The following WWOX variants were observed in gnomAD, a reference collection of about 807,000 sequenced individuals.
WWOX encodes the protein WW domain containing oxidoreductase.
Under a neutral mutation model 46.2 loss-of-function variants are expected in WWOX, and 69 were observed. The observed-to-expected ratio is 1.49, with a 90% confidence interval of 1.23 to 1.82. The LOEUF is 1.82. WWOX is among the 40% of genes most tolerant of loss of function. The probability of loss-of-function intolerance (pLI) is 0.00; values close to 1 mark genes in which losing one functional copy is unlikely to be tolerated. For missense variants in WWOX, 919 were observed against 542.6 expected (o/e 1.69, Z -6.89); for synonymous variants, 359 against 202.6 (o/e 1.77, Z -6.56).
At chr16:78,576,851 G>C (rs1041447529) in intron 8 of WWOX, among the ~76,000 whole-genome samples, 1 of 152,076 alleles carries the variant, frequency 6.6e-6, no homozygotes, top group Admixed American at 6.6e-5. Context: ...TGCTGCCTTG[G>C]GTATCTTAAT....
chr16:78,810,840 A>G (rs1227530821), intron 8 of WWOX, among the ~76,000 whole-genome samples: 1 of 152,244 alleles, frequency 6.6e-6, no homozygotes, highest in African/African-American at 2.4e-5. Flanking sequence ...TGACAGCGCA[A>G]GATCCAAAAA....
chr16:78,742,906 C>T lies in WWOX; in HGVS notation c.1056+310154C>T, dbSNP rs191597256. 3.7e-3 allele frequency among the ~76,000 whole-genome samples: 563 copies of T among 152,210 alleles called. 1 individual carries two copies. Among genetic ancestry groups the T allele is most frequent in the Non-Finnish European group, 4.4e-3 (297 of 68,008 alleles). ...GGTCTGGTCAAGGAAAGGGCCACTT[C>T]CTGGGCCTCCCAAAAAGAGGAAGGA... On this transcript the variant is annotated intron_variant, in intron 8 of 8. Transcript: ENST00000566780.
intron 7 of WWOX, among the ~76,000 whole-genome samples, chr16:78,431,580 G>C (rs2083218169): frequency 6.6e-6 from 1 of 151,720 alleles, no homozygotes; most frequent in Admixed American, 6.6e-5. Context: ...TGAACTTCCT[G>C]TTGAAGGTTT....
At chr16:78,603,708 TATAAA>T (rs979957477) in intron 8 of WWOX, among the ~76,000 whole-genome samples, 52 of 151,906 alleles carry the variant, frequency 3.4e-4, no homozygotes, top group African/African-American at 1.1e-3. Flanking sequence ...AGTAAATAAA[TATAAA>T]ATAAAATAAA....
chr16:79,034,344 G>C (rs1199280734), intron 8 of WWOX, among the ~76,000 whole-genome samples: 1 of 152,162 alleles, frequency 6.6e-6, no homozygotes, highest in Non-Finnish European at 1.5e-5. Context: ...CATTGTATAT[G>C]TTTTGATAGG....
intron 8 of WWOX, among the ~76,000 whole-genome samples, chr16:78,720,931 A>G (rs190588255): frequency 6.3e-4 from 96 of 152,270 alleles, no homozygotes; most frequent in Non-Finnish European, 1.1e-3. Flanking sequence ...GATGAAACCA[A>G]GAGCACTTCT....
chr16:78,264,090 T>C (rs1729271233), intron 5 of WWOX, among the ~76,000 whole-genome samples: 1 of 145,922 alleles, frequency 6.9e-6, no homozygotes, highest in Non-Finnish European at 1.5e-5. Context: ...CCTAAGTGTA[T>C]CTGAATATTG....
intron 8 of WWOX, among the ~76,000 whole-genome samples, chr16:78,878,671 T>G (rs1471389349): frequency 1.3e-5 from 2 of 152,118 alleles, no homozygotes; most frequent in Non-Finnish European, 2.9e-5. Context: ...TGTTACCCAT[T>G]TTATTCCTTA....
At chr16:79,080,794 A>G (rs1383782897) in intron 8 of WWOX, among the ~76,000 whole-genome samples, 1 of 152,196 alleles carries the variant, frequency 6.6e-6, no homozygotes, top group African/African-American at 2.4e-5. Flanking sequence ...CAGGGAGGCA[A>G]CATCTCTAAA....
intron 8 of WWOX, among the ~76,000 whole-genome samples, chr16:78,712,300 G>C (rs8060026): frequency 6.6e-6 from 1 of 151,994 alleles, no homozygotes; most frequent in Non-Finnish European, 1.5e-5. Context: ...TCAAGAGATC[G>C]AAACCATCCT....
chr16:79,176,902 C>G (rs1366800336), intron 8 of WWOX, among the ~76,000 whole-genome samples: 5 of 152,190 alleles, frequency 3.3e-5, no homozygotes, highest in Non-Finnish European at 7.3e-5. Context: ...TCCAGGCCGA[C>G]TTTGGCTCCC....
chr16:79,115,670 A>T (rs1434894488), intron 8 of WWOX, among the ~76,000 whole-genome samples: 1 of 152,208 alleles, frequency 6.6e-6, no homozygotes, highest in East Asian at 1.9e-4. Context: ...GATGAGCTGC[A>T]GGGGGCCTCT....
intron 8 of WWOX, among the ~76,000 whole-genome samples, chr16:78,685,164 CCTGGGAGGA>C (rs1327662245): frequency 1.1e-4 from 16 of 152,128 alleles, no homozygotes; most frequent in African/African-American, 3.6e-4. Context: ...TTTTTATGAC[CCTGGGAGGA>C]CTGGGAGAGA....
In WWOX at chr16:78,756,373, G is replaced by C. The variant is rs181301989; in HGVS notation, c.1056+323621G>C. ...AGCTTTGGGAGCCAGGGTGAAGGCGGTTGAGATAGGACAGAACTCCAGAGG... is the reference window on the plus strand; with the variant it reads ...AGCTTTGGGAGCCAGGGTGAAGGCGCTTGAGATAGGACAGAACTCCAGAGG... On this transcript the variant is annotated intron_variant, in intron 8 of 8. Transcript: ENST00000566780. 2.5e-3 allele frequency among the ~76,000 whole-genome samples: 374 copies of C among 152,260 alleles called. 1 individual carries two copies. The highest frequency in any genetic ancestry group is 3.9e-3 in the Non-Finnish European group (264 of 68,018).
intron 4 of WWOX, among the ~76,000 whole-genome samples, chr16:78,151,247 C>G (rs2034396211): frequency 6.6e-6 from 1 of 152,058 alleles, no homozygotes; most frequent in African/African-American, 2.4e-5. Context: ...CTTATTATAT[C>G]ACAATATCAC....
At chr16:78,423,604 G>T (rs1391763122) in intron 6 of WWOX, among the ~76,000 whole-genome samples, 1 of 152,072 alleles carries the variant, frequency 6.6e-6, no homozygotes, top group Non-Finnish European at 1.5e-5. Flanking sequence ...TAGGCAGAAG[G>T]ATTGCTTGAG....
At position 78,941,778 on chromosome 16, in the gene WWOX, C is replaced by G. The variant is rs567431914; in HGVS notation, c.1057-269830C>G. Among the ~76,000 whole-genome samples the G allele has an allele frequency of 2.6e-5, 4 of 152,262 alleles. No individual in the cohort carries two copies. In the East Asian group the frequency reaches 7.7e-4, roughly 29 times the overall value. On this transcript the variant is annotated intron_variant, in intron 8 of 8. Coordinates refer to ENST00000566780, the MANE Select transcript of WWOX (RefSeq NM_016373.4). Reference sequence around the variant, plus strand: ...GAAATTATATTTTTAAAAAAGGTATCATAATCAAATAAAAGAAGTACTTCA... The same window carrying G: ...GAAATTATATTTTTAAAAAAGGTATGATAATCAAATAAAAGAAGTACTTCA...
intron 8 of WWOX, among the ~76,000 whole-genome samples, chr16:78,687,379 C>A (rs1399126975): frequency 6.6e-6 from 1 of 152,172 alleles, no homozygotes; most frequent in East Asian, 1.9e-4. Flanking sequence ...GAAAGTCCTT[C>A]ATTTTCAGTG....
chr16:78,366,906 G>A (rs953956043), intron 5 of WWOX, among the ~76,000 whole-genome samples: 1 of 151,560 alleles, frequency 6.6e-6, no homozygotes, highest in African/African-American at 2.4e-5. Context: ...CAAAGCCTGG[G>A]GGGTGGATGT....
Sources: allele counts gnomAD v4.1 joint callset (sites outside exome capture counted in the v4.1 genomes callset), GRCh38; gene constraint gnomAD v4.1.1; transcripts MANE v1.5; gene names NCBI Gene and HGNC (gene_info 2026-07-23, HGNC 2026-07-21).